The following RPL7L1 variants were observed in gnomAD, a reference collection of about 807,000 sequenced individuals.
RPL7L1 encodes the protein ribosomal protein uL30-like.
RPL7L1 carries 20 observed loss-of-function variants against 30.3 expected under a neutral mutation model. The ratio of observed to expected loss-of-function variants is 0.66; its 90% CI spans 0.46 to 0.96. RPL7L1 has a LOEUF of 0.96. Among genes scored for constraint, RPL7L1 ranks in the 40% least tolerant of loss-of-function variants. The pLI, the probability that RPL7L1 is intolerant of heterozygous loss-of-function variation, is 0.00. For missense variants in RPL7L1, 271 were observed against 314.9 expected (o/e 0.86, Z 1.05); for synonymous variants, 107 against 110.1 (o/e 0.97, Z 0.18).
chr6:42,880,806 C>A (rs1766044704), intron 1 of RPL7L1, 55 bp from the exon 2 acceptor site: 1 of 1,028,790 alleles, frequency 9.7e-7, no homozygotes, highest in South Asian at 1.3e-5. Context: ...AGCCACCGAG[C>A]CCGGCCAAGT....
chr6:42,883,666 T>C, intron 3 of RPL7L1, 52 bp downstream of exon 3: 1 of 1,462,254 alleles, frequency 6.8e-7, no homozygotes, highest in Non-Finnish European at 9.2e-7. Context: ...AAGTGTTGCT[T>C]AAGCTTTAGA....
rs1444394639 is a variant in RPL7L1, at chr6:42,879,853, G to A, written c.-58G>A. On this transcript the variant is annotated 5_prime_UTR_variant, in exon 1 of 6. Coordinates refer to ENST00000493763, the MANE Select transcript of RPL7L1 (RefSeq NM_001366481.3). ...TCCTCCAGCGTGAGCTAGAACAGAC[G>A]TCTCTATGGTCAAGTAAACAGAGCG... 2 of 1,586,064 alleles carry A rather than the reference G, an allele frequency of 1.3e-6. No individual in the cohort carries two copies. The highest frequency in any genetic ancestry group is 1.3e-5 in the African/African-American group (1 of 74,346).
At chr6:42,885,945 T>C in intron 4 of RPL7L1, 29 bp from the exon 5 acceptor site, 1 of 1,300,976 alleles carries the variant, frequency 7.7e-7, no homozygotes, top group Non-Finnish European at 1.1e-6. Context: ...CAGGTGCTGG[T>C]GAAAACCGTG....
rs545427045 is a variant in RPL7L1, at chr6:42,886,401, G to A, written c.705G>A (p.Lys235=). 68 of 1,597,212 alleles carry A rather than the reference G, an allele frequency of 4.3e-5. 1 individual carries two copies. The South Asian group carries it at 7.4e-4, about 17-fold the overall frequency. Residue 235 remains lysine, a synonymous_variant, in exon 6 of 6, where the codon AAG becomes AAA. Transcript: ENST00000493763. ...CCAAAAATAGAGTGGGCTTCCTCAA[G>A]GAGATGGGCACACCTGGCTATCGGG... is the stretch of plus-strand genomic sequence containing the variant. ...HATKNRVGFL[K]EMGTPGYRGE...
At chr6:42,885,663 G>T (rs541881896) in intron 4 of RPL7L1, 1 of 253,172 alleles carries the variant, frequency 3.9e-6, no homozygotes, top group Non-Finnish European at 7.8e-6. Flanking sequence ...TGAGTAGAGG[G>T]TCACCTAAGG....
Position 42,879,829 on chromosome 6 carries a change from C to T in RPL7L1, c.-82C>T, listed in dbSNP as rs1766001441. 2 of 1,459,998 alleles carry T rather than the reference C, an allele frequency of 1.4e-6. No homozygotes were observed. The highest frequency in any genetic ancestry group is 2.3e-5 in the East Asian group (1 of 43,974). The allele number at this position is 1,459,998 out of a possible 1,614,324, so 90.4% of individuals were successfully genotyped here. On this transcript the variant is annotated 5_prime_UTR_variant, in exon 1 of 6. Transcript: ENST00000493763. ...TGCGGCTAAGTGAACGCTGACTGGT[C>T]CTCCAGCGTGAGCTAGAACAGACGT...
chr6:42,881,479 T>A (rs894696905), intron 2 of RPL7L1: 1 of 151,928 alleles, frequency 6.6e-6, no homozygotes, highest in African/African-American at 2.4e-5. Context: ...AATAAATAAA[T>A]AAATAAATAA....
intron 4 of RPL7L1, 140 bp downstream of exon 4, chr6:42,884,890 T>C: frequency 1.3e-6 from 1 of 767,744 alleles, no homozygotes; most frequent in Non-Finnish European, 2.1e-6. Context: ...AATCAGTGGG[T>C]AGCTGTAATA....
chr6:42,886,432 C>T lies in RPL7L1; in HGVS notation c.736C>T (p.Arg246Cys), dbSNP rs143781630. 3.3e-5 allele frequency: 52 copies of T among 1,577,766 alleles called. No homozygotes were observed. Among genetic ancestry groups the T allele is most frequent in the African/African-American group, 2.3e-4 (17 of 74,358 alleles). ...GGGCACACCTGGCTATCGGGGTGAA[C>T]GCATCAATCAGCTCATCCGTCAGCT... ...EMGTPGYRGERINQLIRQLN is the reference protein window; with the variant it reads ...EMGTPGYRGECINQLIRQLN The change falls in exon 6 of 6, where the codon CGC becomes TGC. Residue 246 changes from arginine to cysteine, a missense_variant. By Grantham distance (180) the Arg-to-Cys change is radical. Transcript: ENST00000493763.
intron 2 of RPL7L1, 56 bp downstream of exon 2, chr6:42,881,022 C>A: frequency 1.1e-6 from 1 of 942,572 alleles, no homozygotes. Context: ...TGAGTTTTAT[C>A]CCGCATGTGT....
rs1425402642 is a variant in RPL7L1, at chr6:42,879,931, T to C, written c.21T>C (p.Thr7=). MISSCT[T]RKMAEQEQRK... ...TGCGCATGATCAGTAGCTGCACCACTAGAAAGATGGCGGAGCAAGAGTGAG... is the reference window on the plus strand; with the variant it reads ...TGCGCATGATCAGTAGCTGCACCACCAGAAAGATGGCGGAGCAAGAGTGAG... The change falls in exon 1 of 6, where the codon ACT becomes ACC. Residue 7 remains threonine (T), a synonymous_variant. Coordinates refer to ENST00000493763, the MANE Select transcript of RPL7L1 (RefSeq NM_001366481.3). The C allele has an allele frequency of 1.9e-6, 3 of 1,613,974 alleles. No homozygotes were observed. Among genetic ancestry groups the C allele is most frequent in the Non-Finnish European group, 1.7e-6 (2 of 1,179,984 alleles).
chr6:42,879,754 C>T lies in RPL7L1; in HGVS notation c.-157C>T, dbSNP rs1242278347. 5.8e-6 allele frequency: 4 copies of T among 695,542 alleles called. No homozygotes were observed. Among genetic ancestry groups the T allele is most frequent in the Non-Finnish European group, 1.0e-5 (4 of 386,876 alleles). 43.1% of individuals were successfully genotyped at this position (695,542 alleles called of 1,614,324 possible). ...CACAGGCTCTAAAAACCCTAAGAAGCGGTGCAACTTTTGGCAGGAATCGGG... is the reference window on the plus strand; with the variant it reads ...CACAGGCTCTAAAAACCCTAAGAAGTGGTGCAACTTTTGGCAGGAATCGGG... On this transcript the variant is annotated 5_prime_UTR_variant, in exon 1 of 6. Coordinates refer to ENST00000493763, the MANE Select transcript of RPL7L1 (RefSeq NM_001366481.3).
At position 42,888,252 on chromosome 6, in the gene RPL7L1, T is replaced by G. The variant is rs2114091411; in HGVS notation, c.*1788T>G. On this transcript the variant is annotated 3_prime_UTR_variant, in exon 6 of 6. Coordinates refer to ENST00000493763, the MANE Select transcript of RPL7L1 (RefSeq NM_001366481.3). ...TCATTGCAGCCTCCACCTCCTGGGT[T>G]CAAGTGATTCTGCCTCAGCCCCTTG... 6.6e-6 allele frequency: 1 copy of G among 152,404 alleles called. No homozygotes were observed. Among genetic ancestry groups the G allele is most frequent in the Middle Eastern group, 3.4e-3 (1 of 296 alleles). 9.4% of individuals were successfully genotyped at this position (152,404 alleles called of 1,614,324 possible).
At chr6:42,886,204 T>C in intron 5 of RPL7L1, 52 bp from the exon 6 acceptor site, 1 of 1,500,694 alleles carries the variant, frequency 6.7e-7, no homozygotes, top group Non-Finnish European at 9.3e-7. Context: ...GCCAGCTTAG[T>C]ATATGCTGGA....
intron 1 of RPL7L1, 40 bp from the exon 2 acceptor site, chr6:42,880,821 T>C (rs775263563): frequency 8.0e-7 from 1 of 1,243,408 alleles, no homozygotes. Context: ...CCAAGTGTTC[T>C]TTTCTAAATG....
intron 3 of RPL7L1, among the ~76,000 whole-genome samples, chr6:42,884,278 T>G (rs1052552938): frequency 3.3e-5 from 5 of 152,200 alleles, no homozygotes; most frequent in African/African-American, 1.2e-4. Context: ...CAGAAAGAAA[T>G]CTGGTCTGGT....
intron 3 of RPL7L1, chr6:42,883,821 C>A (rs1287121077): frequency 3.1e-6 from 1 of 320,970 alleles, no homozygotes; most frequent in African/African-American, 2.1e-5. Context: ...AAAGTGCTCA[C>A]TAGGGAGAGG....
At chr6:42,880,332 G>T (rs1226220358) in intron 1 of RPL7L1, among the ~76,000 whole-genome samples, 1 of 152,142 alleles carries the variant, frequency 6.6e-6, no homozygotes, top group East Asian at 1.9e-4. Flanking sequence ...GAGGCTAAAG[G>T]ATTCATTATT....
At chr6:42,882,788 C>T (rs1049994572) in intron 2 of RPL7L1, 1 of 152,236 alleles carries the variant, frequency 6.6e-6, no homozygotes, top group Non-Finnish European at 1.5e-5. Context: ...TGCCTGTAAT[C>T]CCAGCTACTT....
Sources: allele counts gnomAD v4.1 joint callset (sites outside exome capture counted in the v4.1 genomes callset), GRCh38; gene constraint gnomAD v4.1.1; transcripts MANE v1.5; gene names NCBI Gene and HGNC (gene_info 2026-07-23, HGNC 2026-07-21).